Variants in PHACTR1 observed in about 807,000 individuals in gnomAD.
PHACTR1 encodes the protein RPEL repeat containing 1.
A neutral mutation model predicts 69.2 loss-of-function variants in PHACTR1; 16 were observed. That is an observed-to-expected ratio of 0.23 (90% CI 0.16 to 0.35). The LOEUF is 0.35. Ranked by LOEUF, PHACTR1 falls within the 10% of genes least tolerant of loss-of-function variation. The probability of loss-of-function intolerance (pLI) is 1.00; values close to 1 mark genes in which losing one functional copy is unlikely to be tolerated. For synonymous variants in PHACTR1, 312 were observed against 284.5 expected (o/e 1.10, Z -0.97); for missense variants, 510 against 734.7 (o/e 0.69, Z 3.54).
intron 13 of PHACTR1, among the ~76,000 whole-genome samples, chr6:13,284,739 T>C (rs1781272268): frequency 1.3e-5 from 2 of 151,864 alleles, no homozygotes; most frequent in South Asian, 4.2e-4. Context: ...AAGTCATTTA[T>C]GGCCCAGGCT....
chr6:13,090,805 C>T (rs1181820305), intron 5 of PHACTR1, among the ~76,000 whole-genome samples: 4 of 152,078 alleles, frequency 2.6e-5, no homozygotes, highest in African/African-American at 4.8e-5. Flanking sequence ...CCTAGGGCAG[C>T]GGTCCCAAGC....
At chr6:12,985,539 A>ATATAT (rs1298803313) in intron 4 of PHACTR1, among the ~76,000 whole-genome samples, 30 of 132,996 alleles carry the variant, frequency 2.3e-4, no homozygotes, top group African/African-American at 4.9e-4. Flanking sequence ...AAAAAAAAAA[A>ATATAT]AAATATATAT....
intron 6 of PHACTR1, among the ~76,000 whole-genome samples, chr6:13,180,301 A>C (rs1762021430): frequency 6.6e-6 from 1 of 152,184 alleles, no homozygotes; most frequent in South Asian, 2.1e-4. Flanking sequence ...TGGAGTTCCC[A>C]AGCTTATTTC....
intron 5 of PHACTR1, among the ~76,000 whole-genome samples, chr6:13,128,637 A>G (rs985474621): frequency 6.6e-6 from 1 of 151,946 alleles, no homozygotes; most frequent in African/African-American, 2.4e-5. Flanking sequence ...AAAGCCTCCA[A>G]GAAAATTGAG....
At chr6:12,748,302 AG>A (rs1156658427) in intron 3 of PHACTR1, among the ~76,000 whole-genome samples, 1 of 152,200 alleles carries the variant, frequency 6.6e-6, no homozygotes, top group Non-Finnish European at 1.5e-5. Context: ...GAATGAGAAA[AG>A]GCAAGTGGAG....
At chr6:13,041,339 T>TACATAC (rs1554113082) in intron 4 of PHACTR1, among the ~76,000 whole-genome samples, 14 of 135,364 alleles carry the variant, frequency 1.0e-4, no homozygotes, top group African/African-American at 3.0e-4. Flanking sequence ...TTAAAATACA[T>TACATAC]ACACACACAC....
chr6:12,988,212 C>T (rs1476685492), intron 4 of PHACTR1, among the ~76,000 whole-genome samples: 1 of 152,108 alleles, frequency 6.6e-6, no homozygotes, highest in Admixed American at 6.5e-5. Context: ...AATAAGAGTA[C>T]CATTTCCGTC....
intron 8 of PHACTR1, among the ~76,000 whole-genome samples, chr6:13,208,640 A>G (rs1292632438): frequency 1.5e-5 from 2 of 134,440 alleles, no homozygotes; most frequent in African/African-American, 5.7e-5. Flanking sequence ...CACCCCCCCA[A>G]CCCCATGTCT....
Position 13,284,544 on chromosome 6 carries a change from ATAT to A in PHACTR1, c.1650+983_1650+985del, listed in dbSNP as rs1239494529. Among the ~76,000 whole-genome samples, 53 of 66,258 alleles carry A rather than the reference ATAT, an allele frequency of 8.0e-4. No individual in the cohort carries two copies. In the East Asian group the frequency reaches 0.014, roughly 18 times the overall value. 43.5% of individuals were successfully genotyped at this position (66,258 alleles called of 152,430 possible). A position where few individuals can be genotyped will look rare whatever the true frequency, so the allele number is the denominator to read the frequency against. Reference sequence around the variant, plus strand: ...AAAAAAAAAAAAAAAAAAAAAAAAAATATATATATATATATATATATATATAGA... The same window carrying A: ...AAAAAAAAAAAAAAAAAAAAAAAAAAATATATATATATATATATATATAGA... On this transcript the variant is annotated intron_variant, in intron 13 of 14. Transcript: ENST00000332995.
intron 7 of PHACTR1, among the ~76,000 whole-genome samples, chr6:13,193,991 TA>T (rs1763991570): frequency 6.6e-6 from 1 of 152,204 alleles, no homozygotes; most frequent in African/African-American, 2.4e-5. Flanking sequence ...GCTGCAGACA[TA>T]AACAATATGA....
intron 7 of PHACTR1, among the ~76,000 whole-genome samples, chr6:13,187,740 T>C (rs1461009124): frequency 6.6e-6 from 1 of 152,192 alleles, no homozygotes; most frequent in South Asian, 2.1e-4. Context: ...GACTCAGCCA[T>C]GGGATACCAT....
intron 8 of PHACTR1, among the ~76,000 whole-genome samples, chr6:13,213,207 C>A (rs546174320): frequency 6.6e-6 from 1 of 152,312 alleles, no homozygotes; most frequent in East Asian, 1.9e-4. Context: ...GGATTGAGTT[C>A]TCACAAGGCA....
intron 4 of PHACTR1, among the ~76,000 whole-genome samples, chr6:12,781,993 C>T (rs1025978977): frequency 7.2e-5 from 11 of 152,162 alleles, no homozygotes; most frequent in Admixed American, 6.5e-4. Context: ...TCCCGAATGC[C>T]CATGGCAGTG....
intron 4 of PHACTR1, among the ~76,000 whole-genome samples, chr6:12,902,023 T>G (rs1296933318): frequency 6.6e-6 from 1 of 152,106 alleles, no homozygotes; most frequent in African/African-American, 2.4e-5. Context: ...GCTACTGGCA[T>G]CTAACAGTGT....
intron 5 of PHACTR1, among the ~76,000 whole-genome samples, chr6:13,070,080 C>G (rs950944969): frequency 6.6e-6 from 1 of 152,194 alleles, no homozygotes; most frequent in South Asian, 2.1e-4. Flanking sequence ...TTCACCCTAG[C>G]AGGCTTCCCC....
At position 12,749,735 on chromosome 6, in the gene PHACTR1, C is replaced by T; in HGVS notation, c.195C>T (p.Ser65=). The part of the protein sequence containing the change: ...IDRRPIRRVR[S]KSDTPYLAEA... ...GGCGGCCCATCCGGAGAGTGCGCTC[C>T]AAGAGCGACACGCCGTACCTCGCAG... Residue 65 remains serine (S), a synonymous_variant, in exon 4 of 15, where the codon TCC becomes TCT. Transcript: ENST00000332995. 2.5e-6 allele frequency: 4 copies of T among 1,612,202 alleles called. No individual in the cohort carries two copies. In the South Asian group the frequency reaches 4.4e-5, roughly 18 times the overall value.
intron 3 of PHACTR1, among the ~76,000 whole-genome samples, chr6:12,733,127 G>A (rs1411161116): frequency 1.3e-5 from 2 of 152,108 alleles, no homozygotes; most frequent in Non-Finnish European, 2.9e-5. Context: ...GTAGATAGAT[G>A]CATTTTATTA....
intron 4 of PHACTR1, among the ~76,000 whole-genome samples, chr6:12,793,367 A>G (rs1772572735): frequency 6.6e-6 from 1 of 152,190 alleles, no homozygotes; most frequent in Non-Finnish European, 1.5e-5. Flanking sequence ...GAAGAATGCT[A>G]TTTGGCAAGG....
intron 4 of PHACTR1, among the ~76,000 whole-genome samples, chr6:13,051,177 T>C (rs1805886094): frequency 6.6e-6 from 1 of 152,148 alleles, no homozygotes. Flanking sequence ...ATTATTTTTT[T>C]CCCCAAAGCA....
Sources: gnomAD v4.1 joint callset for allele counts (sites outside exome capture counted in the v4.1 genomes callset) on GRCh38, gnomAD v4.1.1 for gene constraint, MANE v1.5 for transcripts, NCBI Gene and HGNC (gene_info 2026-07-23, HGNC 2026-07-21) for gene names.